The following METTL21C variants were observed in gnomAD, a reference collection of about 807,000 sequenced individuals.
METTL21C encodes the protein methyltransferase 21C, AARS1 lysine, also known as protein-lysine methyltransferase METTL21C.
A neutral mutation model predicts 25.9 loss-of-function variants in METTL21C; 21 were observed. The ratio of observed to expected loss-of-function variants is 0.81; its 90% CI spans 0.58 to 1.17. The LOEUF (loss-of-function observed/expected upper bound fraction) is 1.17, where lower values mean the gene tolerates loss of function less well. Among genes scored for constraint, METTL21C ranks in the 50% most tolerant of loss-of-function variants. The probability of loss-of-function intolerance (pLI) is 0.00; values close to 1 mark genes in which losing one functional copy is unlikely to be tolerated. For missense variants in METTL21C, 312 were observed against 315.1 expected, an observed-to-expected ratio of 0.99 and a Z score of 0.07; for synonymous variants, 125 against 124.7, an observed-to-expected ratio of 1.00 and a Z score of -0.01.
chr13:102,697,170 C>T (rs1885960711), upstream of METTL21C, among the ~76,000 whole-genome samples: 1 of 152,106 alleles, frequency 6.6e-6, no homozygotes, highest in African/African-American at 2.4e-5. Context: ...AAGATTGGAT[C>T]AAAGGCTCAA....
chr13:102,689,260 C>A (rs985573492), intron 2 of METTL21C, among the ~76,000 whole-genome samples: 19 of 152,266 alleles, frequency 1.2e-4, no homozygotes, highest in African/African-American at 4.1e-4. Flanking sequence ...TTTCTCGCTA[C>A]ACCACTGCTG....
At chr13:102,687,166 T>C in intron 2 of METTL21C, 109 bp from the exon 3 acceptor site, 1 of 777,362 alleles carries the variant, frequency 1.3e-6, no homozygotes, top group Non-Finnish European at 2.2e-6. Flanking sequence ...TTACATATGT[T>C]CAGTTTATAT....
At chr13:102,704,069 T>C in the METTL21C span, among the ~76,000 whole-genome samples, 1 of 152,220 alleles carries the variant, frequency 6.6e-6, no homozygotes, top group African/African-American at 2.4e-5. Context: ...ACCATTTAAA[T>C]TGCCGTAACT....
upstream of METTL21C, among the ~76,000 whole-genome samples, chr13:102,697,823 G>A (rs371518150): frequency 2.0e-5 from 3 of 152,164 alleles, no homozygotes; most frequent in Admixed American, 6.5e-5. Context: ...ATCCTGCCAC[G>A]TGTGTGCCAC....
chr13:102,700,855 C>T, the METTL21C span, among the ~76,000 whole-genome samples: 1 of 151,966 alleles, frequency 6.6e-6, no homozygotes, highest in African/African-American at 2.4e-5. Context: ...GACTCTGACA[C>T]CCTACGACTC....
At position 102,694,689 on chromosome 13, in the gene METTL21C, C is replaced by T. The variant is rs1295251901; in HGVS notation, c.-191G>A. Among the ~76,000 whole-genome samples the T allele has an allele frequency of 6.6e-6, 1 of 151,644 alleles. No homozygotes were observed. The highest frequency in any genetic ancestry group is 1.5e-5 in the Non-Finnish European group (1 of 67,978). On this transcript the variant is annotated 5_prime_UTR_variant, in exon 1 of 4. Transcript: ENST00000267273. ...TTTGAATTGTTACACGTATCTTTAC[C>T]TTATGCAGCAGAAGAGATGTGAGGC...
At chr13:102,699,803 C>T (rs974527855), upstream of METTL21C, among the ~76,000 whole-genome samples, 1 of 101,988 alleles carries the variant, frequency 9.8e-6, no homozygotes, top group Non-Finnish European at 2.1e-5. Context: ...TGCTGCAATA[C>T]CCCCCCGACC....
At chr13:102,695,562 A>C (rs1885933982), upstream of METTL21C, among the ~76,000 whole-genome samples, 1 of 152,140 alleles carries the variant, frequency 6.6e-6, no homozygotes, top group African/African-American at 2.4e-5. Flanking sequence ...GTAGATATAA[A>C]AGCCCATTTT....
At chr13:102,688,036 A>G (rs981609075) in intron 2 of METTL21C, among the ~76,000 whole-genome samples, 2 of 152,190 alleles carry the variant, frequency 1.3e-5, no homozygotes, top group Non-Finnish European at 2.9e-5. Context: ...AAGTTACTTA[A>G]ATTTGAGTAT....
In METTL21C at chr13:102,686,172, C is replaced by T; in HGVS notation, c.654G>A (p.Val218=). 2 of 1,614,218 alleles carry T rather than the reference C, an allele frequency of 1.2e-6. No individual in the cohort carries two copies. The highest frequency in any genetic ancestry group is 1.7e-6 in the Non-Finnish European group (2 of 1,180,036). Residue 218 remains valine (V), a synonymous_variant, in exon 4 of 4, where the codon GTG becomes GTA. Transcript: ENST00000267273. ...ACCTGAATTTGTTTGCCCAAAGCAG[C>T]ACCGTCCCTGGCTGGGAAAGGTACA... The part of the protein sequence containing the change: ...TMVYLSQPGT[V]LLWANKFRFS...
upstream of METTL21C, among the ~76,000 whole-genome samples, chr13:102,695,538 G>C (rs1294321025): frequency 6.6e-6 from 1 of 152,142 alleles, no homozygotes; most frequent in Non-Finnish European, 1.5e-5. Context: ...TGGATGAATG[G>C]TGTTTTAACC....
intron 1 of METTL21C, among the ~76,000 whole-genome samples, chr13:102,691,796 G>A (rs74619767): frequency 0.087 from 13,227 of 152,230 alleles, 585 homozygotes; most frequent in Middle Eastern, 0.14. Context: ...GCTGAGCTCT[G>A]GCTATTAAGT....
At position 102,687,793 on chromosome 13, in the gene METTL21C, T is replaced by A. The variant is rs58742592; in HGVS notation, c.283-736A>T. Among the ~76,000 whole-genome samples the A allele has an allele frequency of 3.2e-3, 485 of 152,346 alleles. 2 individuals are homozygous for A. Among genetic ancestry groups the A allele is most frequent in the African/African-American group, 0.011 (439 of 41,580 alleles). The stretch of plus-strand genomic sequence containing the variant: ...TTGAGTAGTAGCAAGCAGATTTTTT[T>A]AAATGTTTTATATATCAACAAATAT... On this transcript the variant is annotated intron_variant, in intron 2 of 3. Coordinates refer to ENST00000267273, the MANE Select transcript of METTL21C (RefSeq NM_001010977.3).
At chr13:102,691,692 G>C (rs1340520276) in intron 1 of METTL21C, among the ~76,000 whole-genome samples, 1 of 152,208 alleles carries the variant, frequency 6.6e-6, no homozygotes, top group Non-Finnish European at 1.5e-5. Context: ...ACATTCCCAC[G>C]TGTTGGCTGG....
chr13:102,695,773 G>A (rs1256518244), upstream of METTL21C, among the ~76,000 whole-genome samples: 1 of 152,162 alleles, frequency 6.6e-6, no homozygotes, highest in Non-Finnish European at 1.5e-5. Flanking sequence ...TTCCCCAAAT[G>A]CATCTAGTTC....
At chr13:102,698,378 G>C (rs1885980160), upstream of METTL21C, among the ~76,000 whole-genome samples, 1 of 152,190 alleles carries the variant, frequency 6.6e-6, no homozygotes, top group Admixed American at 6.5e-5. Flanking sequence ...CCTGTTCTCT[G>C]ACGCACTTCC....
intron 2 of METTL21C, among the ~76,000 whole-genome samples, chr13:102,689,235 C>T (rs895997): frequency 0.22 from 33,132 of 152,140 alleles, 3,774 homozygotes; most frequent in Middle Eastern, 0.28. Context: ...GGCCTCTGAT[C>T]TCTTACTATA....
the METTL21C span, among the ~76,000 whole-genome samples, chr13:102,701,386 A>C: frequency 6.6e-6 from 1 of 152,138 alleles, no homozygotes; most frequent in Non-Finnish European, 1.5e-5. Flanking sequence ...GCCTCTGGGA[A>C]CTTCTCCAAT....
At chr13:102,694,230 T>C (rs1376416838) in intron 1 of METTL21C, 139 bp downstream of exon 1, 3 of 908,450 alleles carry the variant, frequency 3.3e-6, no homozygotes, top group Non-Finnish European at 4.9e-6. Context: ...TGCAAAACAT[T>C]TTTCTGCTAA....
Sources: gnomAD v4.1 joint callset for allele counts (sites outside exome capture counted in the v4.1 genomes callset) on GRCh38, gnomAD v4.1.1 for gene constraint, MANE v1.5 for transcripts, NCBI Gene and HGNC (gene_info 2026-07-23, HGNC 2026-07-21) for gene names.